WNK2: variants seen among roughly 807,000 people sequenced by gnomAD.
WNK2 encodes WNK lysine deficient protein kinase 2.
Under a neutral mutation model 192.1 loss-of-function variants are expected in WNK2, and 67 were observed. The ratio of observed to expected loss-of-function variants is 0.35; its 90% CI spans 0.29 to 0.43. The LOEUF (loss-of-function observed/expected upper bound fraction) is 0.43. Ranked by LOEUF, WNK2 falls within the 20% of genes least tolerant of loss-of-function variation. The probability of loss-of-function intolerance (pLI) is 1.00; values close to 1 mark genes in which losing one functional copy is unlikely to be tolerated. For synonymous variants in WNK2, 1,439 were observed against 1,393.9 expected (o/e 1.03, Z -0.72); for missense variants, 2,698 against 3,089.7 (o/e 0.87, Z 3.01).
intron 2 of WNK2, among the ~76,000 whole-genome samples, chr9:93,228,266 A>G (rs1322330767): frequency 1.3e-5 from 2 of 151,536 alleles, no homozygotes; most frequent in Non-Finnish European, 2.9e-5. Context: ...TGCATTTGGG[A>G]TGTAATTTTT....
intron 2 of WNK2, among the ~76,000 whole-genome samples, chr9:93,224,558 G>A (rs771778424): frequency 2.0e-5 from 3 of 152,206 alleles, no homozygotes; most frequent in Non-Finnish European, 2.9e-5. Flanking sequence ...TTTGCTGCCC[G>A]GCTTGGAGGG....
chr9:93,199,009 T>C (rs1185443102), intron 2 of WNK2, among the ~76,000 whole-genome samples: 2 of 152,170 alleles, frequency 1.3e-5, no homozygotes, highest in Non-Finnish European at 2.9e-5. Flanking sequence ...GGAGGCCTGC[T>C]CAGTCCCAGC....
At chr9:93,268,930 C>G in intron 19 of WNK2, 184 bp downstream of exon 19, 1 of 1,555,600 alleles carries the variant, frequency 6.4e-7, no homozygotes, top group East Asian at 2.4e-5. Context: ...GCTGAATCAG[C>G]TCAGTCAAAG....
chr9:93,186,737 T>C (rs900255095), intron 2 of WNK2, among the ~76,000 whole-genome samples: 4 of 152,186 alleles, frequency 2.6e-5, no homozygotes, highest in African/African-American at 9.7e-5. Context: ...GCCTGGATAA[T>C]TCGGTGGGTG....
intron 26 of WNK2, among the ~76,000 whole-genome samples, chr9:93,300,928 G>A (rs1160184137): frequency 6.6e-6 from 1 of 152,140 alleles, no homozygotes; most frequent in African/African-American, 2.4e-5. Context: ...TGCTTGGCCG[G>A]CTCCTCCTCC....
intron 2 of WNK2, among the ~76,000 whole-genome samples, chr9:93,199,484 C>T (rs1005802966): frequency 6.6e-6 from 1 of 152,226 alleles, no homozygotes; most frequent in Admixed American, 6.5e-5. Flanking sequence ...AACCATCTTC[C>T]TGGGTCAGCC....
In WNK2 at chr9:93,185,404, G is replaced by T; in HGVS notation, c.475G>T (p.Ala159Ser). ...ATVRKEDEGA[A>S]EAKPEPGRTR... is the part of the protein sequence containing the mutation. The stretch of plus-strand genomic sequence containing the variant: ...CGTGAGGAAGGAGGATGAGGGGGCG[G>T]CCGAGGCGAAGCCTGAGCCCGGGCG... The change falls in exon 2 of 30, where the codon GCC becomes TCC. Residue 159 changes from alanine to serine, a missense_variant. By Grantham distance (99) the Ala-to-Ser change is moderately conservative. Coordinates refer to ENST00000427277, the MANE Select transcript of WNK2 (RefSeq NM_006648.4). 1 of 1,605,300 alleles carries T rather than the reference G, an allele frequency of 6.2e-7. No individual in the cohort carries two copies. Among genetic ancestry groups the T allele is most frequent in the Non-Finnish European group, 8.5e-7 (1 of 1,177,020 alleles).
intron 19 of WNK2, among the ~76,000 whole-genome samples, chr9:93,275,954 TTACCTAA>T (rs1349457796): frequency 6.6e-6 from 1 of 152,164 alleles, no homozygotes. Context: ...GAATCAAAGG[TTACCTAA>T]CTAAATAGAG....
intron 9 of WNK2, among the ~76,000 whole-genome samples, chr9:93,253,321 A>T (rs1362286687): frequency 6.6e-6 from 1 of 151,666 alleles, no homozygotes. Flanking sequence ...TAGCCCTGAC[A>T]TTCCTGTAAA....
chr9:93,223,277 C>T (rs1837237997), intron 2 of WNK2, among the ~76,000 whole-genome samples: 1 of 152,188 alleles, frequency 6.6e-6, no homozygotes. Context: ...CCAAGTGGCG[C>T]CCCGTTGCCT....
rs1008836442 is a variant in WNK2, at chr9:93,268,802, T to C, written c.4033+56T>C. 14 of 1,586,704 alleles carry C rather than the reference T, an allele frequency of 8.8e-6. No homozygotes were observed. The Admixed American group carries it at 1.4e-4, about 16-fold the overall frequency. The stretch of plus-strand genomic sequence containing the variant: ...TCCCTGTTTCATGTACAGGCCTCCT[T>C]CTGTGCATGACCCAGCCGGTATGTG... On this transcript the variant is annotated intron_variant, in intron 19 of 29. Coordinates refer to ENST00000427277, the MANE Select transcript of WNK2 (RefSeq NM_006648.4).
chr9:93,226,067 G>A (rs1221145020), intron 2 of WNK2, among the ~76,000 whole-genome samples: 1 of 152,210 alleles, frequency 6.6e-6, no homozygotes, highest in South Asian at 2.1e-4. Context: ...CTTGGTGTCC[G>A]TTTGACAGCG....
At chr9:93,243,758 C>T (rs1331917652) in intron 7 of WNK2, among the ~76,000 whole-genome samples, 2 of 152,186 alleles carry the variant, frequency 1.3e-5, no homozygotes, top group African/African-American at 2.4e-5. Context: ...CTCCTCCTTC[C>T]CACCCGCTTC....
intron 23 of WNK2, among the ~76,000 whole-genome samples, 165 bp from the exon 24 acceptor site, chr9:93,297,687 AT>A (rs1270336335): frequency 6.6e-6 from 1 of 152,200 alleles, no homozygotes; most frequent in Non-Finnish European, 1.5e-5. Context: ...AAACAGTGTC[AT>A]TTTACAGCCC....
At chr9:93,203,482 G>C (rs1314534272) in intron 2 of WNK2, among the ~76,000 whole-genome samples, 2 of 152,238 alleles carry the variant, frequency 1.3e-5, no homozygotes, top group South Asian at 2.1e-4. Context: ...CCACAGAGCA[G>C]GTTGGGAGGG....
At chr9:93,202,432 G>A (rs1832615205) in intron 2 of WNK2, among the ~76,000 whole-genome samples, 1 of 152,092 alleles carries the variant, frequency 6.6e-6, no homozygotes, top group Non-Finnish European at 1.5e-5. Flanking sequence ...GTGGGAATGA[G>A]GAGCCCTTTG....
rs16908998 is a variant in WNK2 at position 93,292,477 on chromosome 9, G to A, written c.5026-14G>A. 10,832 of 1,607,392 alleles carry A rather than the reference G, an allele frequency of 6.7e-3. 326 individuals are homozygous for A. In the Admixed American group the frequency reaches 0.077, roughly 11 times the overall value. On this transcript the variant is annotated splice_polypyrimidine_tract_variant and intron_variant, in intron 22 of 29. Transcript: ENST00000427277. Reference sequence around the variant, plus strand: ...GTTCACATGAAACCTCTTCATCTCCGCTTGTTTCCCAAGGATGTACCTGCT... The same window carrying A: ...GTTCACATGAAACCTCTTCATCTCCACTTGTTTCCCAAGGATGTACCTGCT...
rs116838602 is a variant in WNK2, at chr9:93,187,373, A to G, written c.681+1763A>G. Among the ~76,000 whole-genome samples the G allele has an allele frequency of 7.0e-3, 1,064 of 152,116 alleles. 15 individuals carry two copies. Among genetic ancestry groups the G allele is most frequent in the African/African-American group, 0.024 (1,016 of 41,490 alleles). On this transcript the variant is annotated intron_variant, in intron 2 of 29. Transcript: ENST00000427277. ...AGCAACCGAGAGGTGCTTCTGGTCT[A>G]TATGCTTTTTGTCTATATGTTGATG...
intron 7 of WNK2, among the ~76,000 whole-genome samples, chr9:93,244,224 T>A (rs1003281727): frequency 6.6e-6 from 1 of 152,166 alleles, no homozygotes; most frequent in Non-Finnish European, 1.5e-5. Context: ...CTCCTTCCCC[T>A]GAAGTCACCT....
Sources: allele counts gnomAD v4.1 joint callset (sites outside exome capture counted in the v4.1 genomes callset), GRCh38; gene constraint gnomAD v4.1.1; transcripts MANE v1.5; gene names NCBI Gene and HGNC (gene_info 2026-07-23, HGNC 2026-07-21).